IKZF1: variants seen among roughly 807,000 people sequenced by gnomAD.
IKZF1 encodes DNA-binding protein Ikaros.
A neutral mutation model predicts 51.7 loss-of-function variants in IKZF1; 10 were observed. The ratio of observed to expected loss-of-function variants is 0.19; its 90% confidence interval spans 0.12 to 0.33. The LOEUF (loss-of-function observed/expected upper bound fraction) is 0.33. Among genes scored for constraint, IKZF1 ranks in the 10% least tolerant of loss-of-function variants. IKZF1 has a pLI of 1.00. For missense variants in IKZF1, 484 were observed against 707.5 expected (o/e 0.68, Z 3.58); for synonymous variants, 280 against 282.3 (o/e 0.99, Z 0.08).
intron 7 of IKZF1, among the ~76,000 whole-genome samples, chr7:50,392,179 CG>C (rs923285552): frequency 1.3e-5 from 2 of 152,090 alleles, no homozygotes; most frequent in African/African-American, 4.8e-5. Flanking sequence ...CTGGCTCGTC[CG>C]GGGGACACCA....
chr7:50,391,583 G>C, intron 6 of IKZF1, 146 bp from the exon 7 acceptor site: 1 of 1,249,590 alleles, frequency 8.0e-7, no homozygotes, highest in Non-Finnish European at 1.1e-6. Flanking sequence ...TGCCTGTCTG[G>C]AAGTGTTGCT....
chr7:50,307,924 G>C (rs1584350643), intron 1 of IKZF1, among the ~76,000 whole-genome samples: 1 of 152,142 alleles, frequency 6.6e-6, no homozygotes, highest in Non-Finnish European at 1.5e-5. Context: ...CTGTAGTGCT[G>C]ACTGAACACT....
intron 3 of IKZF1, among the ~76,000 whole-genome samples, chr7:50,364,458 C>A (rs573363421): frequency 1.3e-5 from 2 of 152,320 alleles, no homozygotes; most frequent in East Asian, 3.9e-4. Context: ...AAAAGTTTGA[C>A]ACCTGTTTTA....
At chr7:50,306,426 T>C (rs1424360276) in intron 1 of IKZF1, among the ~76,000 whole-genome samples, 1 of 152,014 alleles carries the variant, frequency 6.6e-6, no homozygotes, top group Non-Finnish European at 1.5e-5. Flanking sequence ...AAGGAAGGAG[T>C]TTAGAAACTC....
At chr7:50,327,952 T>C (rs1422062433) in intron 3 of IKZF1, 195 bp downstream of exon 3, 7 of 630,156 alleles carry the variant, frequency 1.1e-5, no homozygotes, top group Non-Finnish European at 1.8e-5. Context: ...CAGGCCAGCA[T>C]GGCCGTGAGA....
chr7:50,327,510 C>A, intron 2 of IKZF1, 128 bp from the exon 3 acceptor site: 1 of 1,097,804 alleles, frequency 9.1e-7, no homozygotes, highest in Non-Finnish European at 1.3e-6. Flanking sequence ...TATATGCATC[C>A]CAGCAGAGAA....
rs2153517994 is a variant in IKZF1 at position 50,400,066 on chromosome 7, G to A, written c.999G>A (p.Thr333=). Reference sequence around the variant, plus strand: ...AGTCCCTGCGCCCGCTGGTGCAGACGCCCCCGGGCGGTTCCGAGGTGGTCC... The same window carrying A: ...AGTCCCTGCGCCCGCTGGTGCAGACACCCCCGGGCGGTTCCGAGGTGGTCC... ...GAESLRPLVQ[T]PPGGSEVVPV... Residue 333 remains threonine (T), a synonymous_variant, in exon 8 of 8, where the codon ACG becomes ACA. Transcript: ENST00000331340. This position sits in a 1 kb window ranked among gnomAD's most constrained non-coding sequence, Gnocchi z 5.4. 1 of 1,595,066 alleles carries A rather than the reference G, an allele frequency of 6.3e-7. No homozygotes were observed. Among genetic ancestry groups the A allele is most frequent in the Non-Finnish European group, 8.5e-7 (1 of 1,172,102 alleles).
intron 7 of IKZF1, among the ~76,000 whole-genome samples, chr7:50,395,041 C>A (rs1347282240): frequency 1.3e-5 from 2 of 152,098 alleles, no homozygotes; most frequent in Non-Finnish European, 2.9e-5. Flanking sequence ...ATATTTTCTT[C>A]TTTTGTAAGA....
At chr7:50,323,869 G>A (rs941355236) in intron 2 of IKZF1, among the ~76,000 whole-genome samples, 3 of 152,014 alleles carry the variant, frequency 2.0e-5, no homozygotes, top group African/African-American at 7.3e-5. Context: ...TATCTTCACC[G>A]CAACCCTGTG....
chr7:50,385,681 T>C (rs181886830), intron 5 of IKZF1, among the ~76,000 whole-genome samples: 295 of 152,354 alleles, frequency 1.9e-3, no homozygotes, highest in African/African-American at 6.8e-3. Context: ...TCAGACATCA[T>C]GTCATATTTA....
chr7:50,335,442 GGTGT>G (rs1722579424), intron 3 of IKZF1, among the ~76,000 whole-genome samples: 1 of 42,926 alleles, frequency 2.3e-5, no homozygotes, highest in East Asian at 1.3e-3. Flanking sequence ...TGGGATGTGT[GGTGT>G]GTGTGTGGTG....
intron 2 of IKZF1, among the ~76,000 whole-genome samples, 170 bp downstream of exon 2, chr7:50,319,271 C>G (rs1792461187): frequency 6.6e-6 from 1 of 152,032 alleles, no homozygotes; most frequent in South Asian, 2.1e-4. Context: ...CAAATTATCT[C>G]ACTTTGAGCT....
intron 1 of IKZF1, among the ~76,000 whole-genome samples, chr7:50,314,704 G>C (rs1336500971): frequency 6.6e-6 from 1 of 152,348 alleles, no homozygotes; most frequent in Non-Finnish European, 1.5e-5. Flanking sequence ...TCAGAAAAGA[G>C]AGGGGAGCTG....
At chr7:50,364,745 C>A (rs1213575674) in intron 3 of IKZF1, among the ~76,000 whole-genome samples, 1 of 152,230 alleles carries the variant, frequency 6.6e-6, no homozygotes, top group Non-Finnish European at 1.5e-5. Flanking sequence ...GACCTGGGGC[C>A]AGCTGGCTCC....
Position 50,376,848 on chromosome 7 carries a change from G to A in IKZF1, c.421+55G>A. On this transcript the variant is annotated intron_variant, in intron 4 of 7. Coordinates refer to ENST00000331340, the MANE Select transcript of IKZF1 (RefSeq NM_006060.6). This position sits in a 1 kb window ranked among gnomAD's most constrained non-coding sequence, Gnocchi z 4.5. ...GGCCTGGAGAAGGTGCATGGGGTTT[G>A]AAGGAGGAAAGCATCCTGTCTTCCT... is the stretch of plus-strand genomic sequence containing the variant. 1 of 1,594,756 alleles carries A rather than the reference G, an allele frequency of 6.3e-7. No homozygotes were observed. Among genetic ancestry groups the A allele is most frequent in the South Asian group, 1.1e-5 (1 of 88,516 alleles).
chr7:50,387,557 G>A (rs988539073), intron 6 of IKZF1, 87 bp downstream of exon 6: 43 of 1,456,478 alleles, frequency 3.0e-5, no homozygotes, highest in Non-Finnish European at 3.8e-5. Context: ...AGCCTTAGGA[G>A]CAGAGCCTTG....
chr7:50,338,072 T>TA lies in IKZF1; in HGVS notation c.160+10315_160+10316insA, dbSNP rs1798200792. Reference sequence around the variant, plus strand: ...ATATAGCCAGTAATGTTCCAGAATCTGACATGTGAATTTTAAAAAAAAACT... The same window carrying TA: ...ATATAGCCAGTAATGTTCCAGAATCTAGACATGTGAATTTTAAAAAAAAACT... On this transcript the variant is annotated intron_variant, in intron 3 of 7. Coordinates refer to ENST00000331340, the MANE Select transcript of IKZF1 (RefSeq NM_006060.6). 5.9e-5 allele frequency among the ~76,000 whole-genome samples: 9 copies of TA among 152,122 alleles called. No homozygotes were observed. In the South Asian group the frequency reaches 1.9e-3, roughly 31 times the overall value.
At chr7:50,377,107 C>T (rs1192382443) in intron 4 of IKZF1, 4 of 346,418 alleles carry the variant, frequency 1.2e-5, no homozygotes, top group Non-Finnish European at 2.1e-5. Context: ...GCTGAGCCCT[C>T]AGGGTACGTG....
intron 3 of IKZF1, chr7:50,369,088 C>T (rs906411255): frequency 4.4e-6 from 1 of 229,350 alleles, no homozygotes; most frequent in East Asian, 6.3e-5. Flanking sequence ...CACTTTAAAG[C>T]AATAGCTTGA....
Sources: allele counts gnomAD v4.1 joint callset (sites outside exome capture counted in the v4.1 genomes callset), GRCh38; gene constraint gnomAD v4.1.1; non-coding constraint Gnocchi (gnomAD v3.1); transcripts MANE v1.5; gene names NCBI Gene and HGNC (gene_info 2026-07-23, HGNC 2026-07-21).